MAP2: variants seen among roughly 807,000 people sequenced by gnomAD.
MAP2 encodes the protein microtubule-associated protein 2.
In MAP2, 14 loss-of-function variants were observed where a neutral mutation model predicts 137.6. The ratio of observed to expected loss-of-function variants is 0.10; its 90% CI spans 0.07 to 0.16. The LOEUF is 0.16. Ranked by LOEUF, MAP2 falls within the 10% of genes least tolerant of loss-of-function variation. MAP2 has a pLI of 1.00. For missense variants in MAP2, 2,088 were observed against 2,191.5 expected, an observed-to-expected ratio of 0.95 and a Z score of 0.94; for synonymous variants, 786 against 782.3, an observed-to-expected ratio of 1.00 and a Z score of -0.08.
rs750784674 is a variant in MAP2 at position 209,675,337 on chromosome 2, A to G, written c.263-3235A>G. Among the ~76,000 whole-genome samples the G allele has an allele frequency of 1.7e-3, 252 of 151,902 alleles. 3 individuals are homozygous for G. The highest frequency in any genetic ancestry group is 3.5e-4 in the Non-Finnish European group (24 of 67,816). On this transcript the variant is annotated intron_variant, in intron 5 of 15. Transcript: ENST00000682079. ...GGGACATAAACACACTTATAAATTC[A>G]TTTTCTCTGAAACAACAAAACCAGT...
At chr2:209,630,959 C>G (rs561481045) in intron 4 of MAP2, among the ~76,000 whole-genome samples, 3 of 124,684 alleles carry the variant, frequency 2.4e-5, no homozygotes, top group African/African-American at 8.5e-5. Context: ...CTCCTTGTCC[C>G]TTGAGCTAGA....
At chr2:209,690,629 G>T in intron 7 of MAP2, 1 of 1,288,968 alleles carries the variant, frequency 7.8e-7, no homozygotes, top group Non-Finnish European at 1.0e-6. Context: ...GAGTCGGATG[G>T]CTGAGGAAGA....
chr2:209,518,760 A>C (rs111595850), intron 2 of MAP2, among the ~76,000 whole-genome samples: 4 of 152,184 alleles, frequency 2.6e-5, no homozygotes, highest in African/African-American at 9.6e-5. Flanking sequence ...AGCTCACTTT[A>C]ATGAAAGTCT....
At chr2:209,523,508 G>A (rs113938712) in intron 2 of MAP2, among the ~76,000 whole-genome samples, 8 of 152,034 alleles carry the variant, frequency 5.3e-5, no homozygotes, top group East Asian at 1.9e-4. Context: ...CTCAGCCTAC[G>A]TCTTCTGCAT....
At chr2:209,620,310 T>A (rs956994782) in intron 3 of MAP2, among the ~76,000 whole-genome samples, 1 of 152,198 alleles carries the variant, frequency 6.6e-6, no homozygotes, top group Non-Finnish European at 1.5e-5. Flanking sequence ...CTGGAGCTTC[T>A]GGGTTTAGAG....
chr2:209,643,065 A>G (rs2094152105), intron 4 of MAP2, among the ~76,000 whole-genome samples: 1 of 152,208 alleles, frequency 6.6e-6, no homozygotes, highest in Admixed American at 6.6e-5. Context: ...TAGCAGCACA[A>G]AATTATAAAA....
intron 3 of MAP2, among the ~76,000 whole-genome samples, chr2:209,598,409 ATTTATTTAT>A (rs2081974610): frequency 6.6e-6 from 1 of 151,266 alleles, no homozygotes; most frequent in South Asian, 2.1e-4. Context: ...TTTTTTTAAA[ATTTATTTAT>A]TTTATTTATT....
At chr2:209,434,863 T>TTATATATATATGTTA (rs58339476) in intron 1 of MAP2, among the ~76,000 whole-genome samples, 19 of 96,566 alleles carry the variant, frequency 2.0e-4, no homozygotes, top group African/African-American at 6.6e-4. Flanking sequence ...TATATATATG[T>TTATATATATATGTTA]TATATATATG....
chr2:209,451,387 T>C (rs1700268232), intron 1 of MAP2, among the ~76,000 whole-genome samples: 1 of 152,132 alleles, frequency 6.6e-6, no homozygotes, highest in Non-Finnish European at 1.5e-5. Context: ...CAAGGCCAGC[T>C]CTTTATTTCC....
At chr2:209,717,962 A>G (rs1257854490) in intron 13 of MAP2, among the ~76,000 whole-genome samples, 3 of 152,210 alleles carry the variant, frequency 2.0e-5, no homozygotes, top group Admixed American at 6.5e-5. Flanking sequence ...ATACCCTACG[A>G]ACTTGTAAAA....
intron 3 of MAP2, among the ~76,000 whole-genome samples, chr2:209,623,546 T>C (rs1193908510): frequency 6.6e-6 from 1 of 152,164 alleles, no homozygotes; most frequent in Non-Finnish European, 1.5e-5. Flanking sequence ...CATTCATTTG[T>C]TAAGTACACA....
At chr2:209,545,915 C>A (rs958146125) in intron 2 of MAP2, among the ~76,000 whole-genome samples, 1 of 151,982 alleles carries the variant, frequency 6.6e-6, no homozygotes, top group Non-Finnish European at 1.5e-5. Context: ...CCGAGGCGGG[C>A]GGATCATGAG....
chr2:209,678,525 C>A (rs751665466), intron 5 of MAP2, 47 bp from the exon 6 acceptor site: 1 of 983,346 alleles, frequency 1.0e-6, no homozygotes, highest in Non-Finnish European at 1.5e-6. Context: ...TCTTTGCTTT[C>A]TCAGACTTCT....
chr2:209,642,211 G>T (rs1214797270), intron 4 of MAP2, among the ~76,000 whole-genome samples: 1 of 151,898 alleles, frequency 6.6e-6, no homozygotes, highest in African/African-American at 2.4e-5. Context: ...GGAAGGCTGA[G>T]GCAGAGGAAT....
In MAP2 at chr2:209,650,711, A is replaced by T. The variant is rs146266636; in HGVS notation, c.-29-2431A>T. On this transcript the variant is annotated intron_variant, in intron 4 of 15. Transcript: ENST00000682079. ...CTAATTATATAAATGTACCATACTG[A>T]TGCAAAATATTTCAAATAGGGAAAA... Among the ~76,000 whole-genome samples the T allele has an allele frequency of 4.7e-3, 709 of 152,348 alleles. 3 individuals carry two copies. The highest frequency in any genetic ancestry group is 0.017 in the Middle Eastern group (5 of 294).
intron 3 of MAP2, among the ~76,000 whole-genome samples, chr2:209,595,903 A>G (rs543210947): frequency 6.6e-6 from 1 of 152,310 alleles, no homozygotes; most frequent in Non-Finnish European, 1.5e-5. Flanking sequence ...GGAATTGAAC[A>G]ATGAGAACAC....
At chr2:209,687,625 C>T (rs3820747) in intron 7 of MAP2, among the ~76,000 whole-genome samples, 36,198 of 151,950 alleles carry the variant, frequency 0.24, 4,729 homozygotes, top group South Asian at 0.5. Context: ...TGTGGCCCTT[C>T]CTGCCCTTGT....
chr2:209,693,774 A>G lies in MAP2; in HGVS notation c.1604A>G (p.Glu535Gly), dbSNP rs1328622185. The G allele has an allele frequency of 6.2e-7, 1 of 1,613,888 alleles. No homozygotes were observed. ...TTAATTGAAAAGAGCTCAATTCAGG[A>G]ACTTTTTGAAATGAGAGTTGATGAC... ...SALIEKSSIQ[E>G]LFEMRVDDKD... The change falls in exon 8 of 16, where the codon GAA becomes GGA. Residue 535 changes from glutamate (E) to glycine (G), a missense_variant. Glu to Gly is a moderately conservative substitution (Grantham distance 98). This residue lies in a region of MAP2 where 859 missense variants were observed against 794.5 expected (regional missense o/e 1.08). Transcript: ENST00000682079.
chr2:209,627,033 A>G (rs1250599992), intron 4 of MAP2, among the ~76,000 whole-genome samples: 2 of 152,118 alleles, frequency 1.3e-5, no homozygotes, highest in Non-Finnish European at 2.9e-5. Flanking sequence ...TAAGGATCTT[A>G]CTAATCTAAT....
Sources: gnomAD v4.1 joint callset for allele counts (sites outside exome capture counted in the v4.1 genomes callset) on GRCh38, gnomAD v4.1.1 for gene constraint, gnomAD v4.1.1 regional missense constraint, MANE v1.5 for transcripts, NCBI Gene and HGNC (gene_info 2026-07-23, HGNC 2026-07-21) for gene names.